The following TTLL5 variants were observed in gnomAD, a reference collection of about 807,000 sequenced individuals.
TTLL5 encodes the protein tubulin tyrosine ligase like 5.
TTLL5 carries 132 observed loss-of-function variants against 168.4 expected under a neutral mutation model. The observed-to-expected ratio is 0.78, with a 90% CI of 0.68 to 0.91. The LOEUF is 0.91. TTLL5 is among the 40% of genes least tolerant of loss of function. The pLI is 0.00. For missense variants in TTLL5, 1,545 were observed against 1,581.5 expected, an observed-to-expected ratio of 0.98 and a Z score of 0.39; for synonymous variants, 546 against 558.6, an observed-to-expected ratio of 0.98 and a Z score of 0.32.
intron 23 of TTLL5, among the ~76,000 whole-genome samples, chr14:75,777,393 A>G (rs965693062): frequency 6.6e-6 from 1 of 152,088 alleles, no homozygotes; most frequent in Non-Finnish European, 1.5e-5. Flanking sequence ...CAATTTCTCC[A>G]CTCTGTGAGG....
At chr14:75,779,201 C>T (rs376893770) in intron 23 of TTLL5, among the ~76,000 whole-genome samples, 6 of 152,090 alleles carry the variant, frequency 3.9e-5, no homozygotes, top group East Asian at 1.9e-4. Flanking sequence ...AGTTGTTTGC[C>T]GCCTGTTCTA....
intron 18 of TTLL5, among the ~76,000 whole-genome samples, chr14:75,754,333 T>G (rs951240916): frequency 6.6e-6 from 1 of 152,256 alleles, no homozygotes; most frequent in Non-Finnish European, 1.5e-5. Flanking sequence ...TTAGTTGTAT[T>G]TATTCATCTT....
intron 25 of TTLL5, 70 bp downstream of exon 25, chr14:75,782,643 A>G: frequency 1.6e-6 from 2 of 1,282,410 alleles, no homozygotes; most frequent in Non-Finnish European, 1.1e-6. Context: ...AATAGTCATC[A>G]GATATTAAAT....
chr14:75,770,267 G>A (rs1465587960), intron 20 of TTLL5, among the ~76,000 whole-genome samples: 2 of 148,232 alleles, frequency 1.3e-5, no homozygotes, highest in African/African-American at 2.5e-5. Context: ...TAGTAACAAA[G>A]ATGTAGCCTT....
At chr14:75,914,033 A>AAAAAAAAAAAAATATATATATATATATAT in intron 31 of TTLL5, among the ~76,000 whole-genome samples, 1 of 71,096 alleles carries the variant, frequency 1.4e-5, no homozygotes, top group African/African-American at 1.6e-4. Context: ...AAAAAAAAAA[A>AAAAAAAAAAAAATATATATATATATATAT]ATATATATAT....
Position 75,783,155 on chromosome 14 carries a change from A to G in TTLL5, c.2611A>G (p.Thr871Ala). ...TGTTTTGTTTTTAATAGGATTTACC[A>G]CTTCAGCAGAAAAAGAGGCAAAATT... is the stretch of plus-strand genomic sequence containing the variant. ...IHSDKLSRFT[T>A]SAEKEAKLVY... is the part of the protein sequence containing the mutation. The change falls in exon 26 of 32, where the codon ACT (threonine) becomes GCT (alanine). Residue 871 changes from threonine (T) to alanine (A), a missense_variant. Coordinates refer to ENST00000298832, the MANE Select transcript of TTLL5 (RefSeq NM_015072.5). 6.2e-7 allele frequency: 1 copy of G among 1,607,838 alleles called. No individual in the cohort carries two copies.
At chr14:75,887,498 T>C (rs1396462539) in intron 30 of TTLL5, among the ~76,000 whole-genome samples, 1 of 152,218 alleles carries the variant, frequency 6.6e-6, no homozygotes, top group African/African-American at 2.4e-5. Context: ...TCATCCTTAA[T>C]ACAGGCTTCT....
intron 29 of TTLL5, among the ~76,000 whole-genome samples, chr14:75,871,213 G>A (rs1595181101): frequency 6.6e-6 from 1 of 152,156 alleles, no homozygotes; most frequent in Non-Finnish European, 1.5e-5. Context: ...TTATCATCAT[G>A]TTGCTTTCTA....
intron 4 of TTLL5, among the ~76,000 whole-genome samples, chr14:75,682,119 G>A (rs1763974171): frequency 6.7e-6 from 1 of 150,122 alleles, no homozygotes; most frequent in African/African-American, 2.5e-5. Flanking sequence ...GAACTTGGGA[G>A]GTGGAGGTTG....
intron 29 of TTLL5, among the ~76,000 whole-genome samples, chr14:75,882,477 A>G (rs1047409540): frequency 2.0e-5 from 3 of 152,216 alleles, no homozygotes; most frequent in Non-Finnish European, 4.4e-5. Context: ...TACTTTCAAC[A>G]AGACCATTTC....
intron 28 of TTLL5, among the ~76,000 whole-genome samples, chr14:75,855,655 T>A (rs533111987): frequency 6.6e-6 from 1 of 152,282 alleles, no homozygotes; most frequent in Admixed American, 6.5e-5. Flanking sequence ...GTAGAAAGTT[T>A]TCCCAAATCT....
intron 28 of TTLL5, among the ~76,000 whole-genome samples, chr14:75,826,821 G>C (rs1329747562): frequency 4.6e-5 from 7 of 152,134 alleles, no homozygotes; most frequent in Non-Finnish European, 8.8e-5. Flanking sequence ...CTTTCTTTCT[G>C]ACTCATGTAG....
At chr14:75,795,493 T>C (rs1386559839) in intron 27 of TTLL5, among the ~76,000 whole-genome samples, 1 of 152,180 alleles carries the variant, frequency 6.6e-6, no homozygotes, top group Non-Finnish European at 1.5e-5. Context: ...AGCTCTCTAG[T>C]GGTGATTTCC....
At chr14:75,878,213 T>G (rs1489491352) in intron 29 of TTLL5, among the ~76,000 whole-genome samples, 1 of 152,192 alleles carries the variant, frequency 6.6e-6, no homozygotes, top group East Asian at 1.9e-4. Context: ...CAGTTAAGAT[T>G]CCGTTTGGCT....
chr14:75,719,885 C>G, intron 11 of TTLL5, 59 bp downstream of exon 11: 1 of 1,515,732 alleles, frequency 6.6e-7, no homozygotes, highest in East Asian at 2.3e-5. Flanking sequence ...TTATCATTGT[C>G]TCTTGCCAGG....
intron 26 of TTLL5, among the ~76,000 whole-genome samples, 155 bp downstream of exon 26, chr14:75,783,685 A>G (rs756379203): frequency 8.5e-5 from 13 of 152,206 alleles, no homozygotes; most frequent in Admixed American, 4.6e-4. Flanking sequence ...AGACTTTTGC[A>G]TTGCATCCAG....
At chr14:75,717,603 T>A (rs1174948078) in intron 9 of TTLL5, among the ~76,000 whole-genome samples, 2 of 152,226 alleles carry the variant, frequency 1.3e-5, no homozygotes. Context: ...GAACAAGTTA[T>A]TTAATAGACC....
intron 31 of TTLL5, chr14:75,906,771 C>T (rs773132983): frequency 5.2e-6 from 5 of 965,062 alleles, no homozygotes; most frequent in African/African-American, 1.8e-5. Context: ...GAAGTTCTAG[C>T]TTCTCAAAAT....
intron 28 of TTLL5, among the ~76,000 whole-genome samples, chr14:75,849,290 A>G (rs1896720501): frequency 1.3e-5 from 2 of 152,324 alleles, no homozygotes; most frequent in Middle Eastern, 3.4e-3. Context: ...TTTAAATTAG[A>G]TATTTTATTT....
Sources: allele counts gnomAD v4.1 joint callset (sites outside exome capture counted in the v4.1 genomes callset), GRCh38; gene constraint gnomAD v4.1.1; transcripts MANE v1.5; gene names NCBI Gene and HGNC (gene_info 2026-07-23, HGNC 2026-07-21).